The following PLXDC1 variants were observed in gnomAD, a reference collection of about 807,000 sequenced individuals.
PLXDC1 encodes plexin domain containing 1.
A neutral mutation model predicts 61.3 loss-of-function variants in PLXDC1; 39 were observed. The observed-to-expected ratio is 0.64, with a 90% CI of 0.49 to 0.83. PLXDC1 has a LOEUF of 0.83. Among genes scored for constraint, PLXDC1 ranks in the 40% least tolerant of loss-of-function variants. The pLI is 0.00. For missense variants in PLXDC1, 596 were observed against 666.5 expected (o/e 0.89, Z 1.17); for synonymous variants, 212 against 254.5 (o/e 0.83, Z 1.59).
At chr17:39,111,879 A>T (rs1279770078) in intron 2 of PLXDC1, 1 of 152,074 alleles carries the variant, frequency 6.6e-6, no homozygotes, top group African/African-American at 2.4e-5. Flanking sequence ...CCAGAGGGGG[A>T]CGCACTGCTC....
At chr17:39,077,358 A>G (rs912794705) in intron 11 of PLXDC1, among the ~76,000 whole-genome samples, 1 of 152,166 alleles carries the variant, frequency 6.6e-6, no homozygotes, top group Non-Finnish European at 1.5e-5. Flanking sequence ...CAAGACCCCC[A>G]GGCCTCCAGG....
intron 4 of PLXDC1, chr17:39,108,571 T>C: frequency 2.0e-6 from 1 of 505,552 alleles, no homozygotes; most frequent in Non-Finnish European, 3.6e-6. Flanking sequence ...AGGTGCCTCC[T>C]ATCAACAGGG....
intron 7 of PLXDC1, among the ~76,000 whole-genome samples, chr17:39,104,902 C>A (rs1258895308): frequency 6.6e-6 from 1 of 152,226 alleles, no homozygotes; most frequent in African/African-American, 2.4e-5. Flanking sequence ...ACTCAGAACA[C>A]GTGTACTGAT....
chr17:39,142,216 G>A (rs1176891170), intron 1 of PLXDC1, among the ~76,000 whole-genome samples: 3 of 152,114 alleles, frequency 2.0e-5, no homozygotes, highest in African/African-American at 7.2e-5. Context: ...TTGAGGGAGG[G>A]GTAATTTTTT....
intron 1 of PLXDC1, among the ~76,000 whole-genome samples, chr17:39,145,829 A>G (rs1233878215): frequency 6.6e-6 from 1 of 152,106 alleles, no homozygotes; most frequent in Non-Finnish European, 1.5e-5. Flanking sequence ...GACAAATTAC[A>G]CACACTCTCT....
chr17:39,105,241 C>T (rs1018463492), intron 7 of PLXDC1, among the ~76,000 whole-genome samples: 3 of 152,172 alleles, frequency 2.0e-5, no homozygotes, highest in Non-Finnish European at 4.4e-5. Flanking sequence ...ATGCCTGCCG[C>T]GCTCCCCAGG....
At chr17:39,151,760 C>T (rs1303828982), upstream of PLXDC1, 2 of 200,072 alleles carry the variant, frequency 1.0e-5, no homozygotes, top group East Asian at 1.7e-4. The surrounding 1 kb of genome is among the most constrained non-coding windows in gnomAD (Gnocchi z 5.2). Context: ...CCTAACGGAG[C>T]GCTCCCCTAG....
At chr17:39,091,986 A>G (rs1297122542) in intron 7 of PLXDC1, among the ~76,000 whole-genome samples, 1 of 148,010 alleles carries the variant, frequency 6.8e-6, no homozygotes, top group Non-Finnish European at 1.5e-5. Flanking sequence ...AAAAAAATCA[A>G]GTTGTCTTGC....
At chr17:39,112,114 G>A (rs561863127) in intron 2 of PLXDC1, 18 of 152,182 alleles carry the variant, frequency 1.2e-4, no homozygotes, top group African/African-American at 4.1e-4. Flanking sequence ...AGCTCCGTGC[G>A]TGGCACTCTG....
At chr17:39,095,257 A>C (rs1295854398) in intron 7 of PLXDC1, among the ~76,000 whole-genome samples, 1 of 151,822 alleles carries the variant, frequency 6.6e-6, no homozygotes, top group Non-Finnish European at 1.5e-5. Context: ...GGGGGGTGGA[A>C]CTATATCTCT....
At chr17:39,121,326 A>C (rs1013764387) in intron 2 of PLXDC1, among the ~76,000 whole-genome samples, 1 of 147,026 alleles carries the variant, frequency 6.8e-6, no homozygotes, top group African/African-American at 2.7e-5. Context: ...CTTCCCTAAA[A>C]TGTATAAAGC....
At chr17:39,085,109 A>G (rs546779743) in intron 8 of PLXDC1, among the ~76,000 whole-genome samples, 1 of 152,398 alleles carries the variant, frequency 6.6e-6, no homozygotes, top group South Asian at 2.1e-4. Context: ...TCCTGTGTGA[A>G]TTCTCATGTG....
intron 2 of PLXDC1, among the ~76,000 whole-genome samples, chr17:39,129,629 AAAAG>A (rs1221717406): frequency 1.8e-5 from 2 of 114,244 alleles, no homozygotes; most frequent in Admixed American, 1.7e-4. Context: ...AGAAAGAAAG[AAAAG>A]AAAGAAAGAG....
chr17:39,110,801 C>G (rs568337308), intron 2 of PLXDC1, among the ~76,000 whole-genome samples: 1 of 152,220 alleles, frequency 6.6e-6, no homozygotes, highest in East Asian at 1.9e-4. Context: ...TCTGCTCTTA[C>G]GATAAGCGAC....
upstream of PLXDC1, chr17:39,151,692 AG>A (rs1438218248): frequency 5.5e-4 from 3 of 5,430 alleles, no homozygotes; most frequent in Admixed American, 5.3e-3. This position sits in a 1 kb window ranked among gnomAD's most constrained non-coding sequence, Gnocchi z 5.2. Context: ...GAGCTGGGGC[AG>A]GGGGCGGGGC....
chr17:39,077,776 C>T (rs1219633728), intron 11 of PLXDC1, 137 bp downstream of exon 11: 9 of 752,308 alleles, frequency 1.2e-5, no homozygotes, highest in Non-Finnish European at 1.9e-5. Context: ...AACTTCAGGC[C>T]CCCTTAGCTA....
chr17:39,099,269 G>A (rs1910334391), intron 7 of PLXDC1, among the ~76,000 whole-genome samples: 1 of 152,022 alleles, frequency 6.6e-6, no homozygotes, highest in African/African-American at 2.4e-5. Context: ...GCTCTAAAGG[G>A]GCTTCTCATT....
At chr17:39,097,941 AC>A (rs1910276449) in intron 7 of PLXDC1, among the ~76,000 whole-genome samples, 1 of 148,720 alleles carries the variant, frequency 6.7e-6, no homozygotes, top group African/African-American at 2.5e-5. Flanking sequence ...GCAACGGCTC[AC>A]GCCTGTAATC....
intron 7 of PLXDC1, 25 bp from the exon 8 acceptor site, chr17:39,087,727 T>A: frequency 6.4e-7 from 1 of 1,565,184 alleles, no homozygotes; most frequent in Non-Finnish European, 8.8e-7. Context: ...GAGCCTGTTG[T>A]CAGGAGCATA....
Sources: allele counts gnomAD v4.1 joint callset (sites outside exome capture counted in the v4.1 genomes callset), GRCh38; gene constraint gnomAD v4.1.1; non-coding constraint Gnocchi (gnomAD v3.1); transcripts MANE v1.5; gene names NCBI Gene and HGNC (gene_info 2026-07-23, HGNC 2026-07-21).